The following NBEA variants were observed in gnomAD, a reference collection of about 807,000 sequenced individuals.
NBEA encodes lysosomal-trafficking regulator 2.
NBEA carries 44 observed loss-of-function variants against 343.4 expected under a neutral mutation model. The observed-to-expected ratio is 0.13, with a 90% CI of 0.10 to 0.16. NBEA has a LOEUF of 0.16. Among genes scored for constraint, NBEA ranks in the 10% least tolerant of loss-of-function variants. The probability of loss-of-function intolerance (pLI) is 1.00; values close to 1 mark genes in which losing one functional copy is unlikely to be tolerated. For synonymous variants in NBEA, 1,175 were observed against 1,238.7 expected (o/e 0.95, Z 1.08); for missense variants, 2,555 against 3,631.3 (o/e 0.70, Z 7.62).
chr13:35,073,462 T>G (rs1441944960), intron 10 of NBEA, among the ~76,000 whole-genome samples: 1 of 152,178 alleles, frequency 6.6e-6, no homozygotes, highest in African/African-American at 2.4e-5. Context: ...AGCTCAAATA[T>G]AAGTTACTTC....
chr13:35,290,529 A>C, intron 35 of NBEA, 79 bp downstream of exon 35: 1 of 918,420 alleles, frequency 1.1e-6, no homozygotes, highest in South Asian at 1.5e-5. Flanking sequence ...GTGCATATAT[A>C]TGTGTATGTT....
chr13:35,251,558 C>T (rs756597251), intron 34 of NBEA: 4 of 1,187,564 alleles, frequency 3.4e-6, no homozygotes, highest in Non-Finnish European at 4.3e-6. Flanking sequence ...ATGCATGTGA[C>T]CTTCAGGAAG....
chr13:34,961,102 G>A (rs868676517), intron 1 of NBEA, among the ~76,000 whole-genome samples: 13 of 151,882 alleles, frequency 8.6e-5, no homozygotes, highest in African/African-American at 3.1e-4. Context: ...GTTTTGGATC[G>A]GTATGCATTT....
chr13:35,478,409 A>G (rs1199363284), intron 41 of NBEA, among the ~76,000 whole-genome samples: 3 of 152,134 alleles, frequency 2.0e-5, no homozygotes, highest in African/African-American at 7.2e-5. Context: ...GGGGAGACCC[A>G]TCAGAGCCGG....
chr13:34,982,081 C>A (rs898971241), intron 1 of NBEA, among the ~76,000 whole-genome samples: 37 of 151,526 alleles, frequency 2.4e-4, no homozygotes, highest in African/African-American at 9.0e-4. Context: ...AATTTATGTT[C>A]TTATTATTAC....
intron 5 of NBEA, among the ~76,000 whole-genome samples, chr13:35,049,841 A>T (rs1438093950): frequency 6.6e-6 from 1 of 150,552 alleles, no homozygotes; most frequent in Admixed American, 6.9e-5. Context: ...CTTGACTCTG[A>T]CCAAGTTTTT....
At chr13:35,039,182 C>T (rs986739666) in intron 1 of NBEA, among the ~76,000 whole-genome samples, 6 of 152,116 alleles carry the variant, frequency 3.9e-5, no homozygotes, top group African/African-American at 1.4e-4. Flanking sequence ...TTGCTCTGTT[C>T]TCCCTTCACC....
intron 5 of NBEA, among the ~76,000 whole-genome samples, chr13:35,049,074 G>A (rs1490929793): frequency 6.6e-6 from 1 of 151,718 alleles, no homozygotes; most frequent in African/African-American, 2.4e-5. Context: ...GAGCATAACT[G>A]ACATATGCTT....
At chr13:35,183,865 C>A (rs1432988683) in intron 29 of NBEA, 111 bp from the exon 30 acceptor site, 3 of 640,236 alleles carry the variant, frequency 4.7e-6, no homozygotes, top group Non-Finnish European at 8.1e-6. Flanking sequence ...TTCGTTATTG[C>A]TAGTATTGTT....
At chr13:35,006,404 C>G (rs1484362203) in intron 1 of NBEA, among the ~76,000 whole-genome samples, 1 of 152,060 alleles carries the variant, frequency 6.6e-6, no homozygotes, top group Non-Finnish European at 1.5e-5. Flanking sequence ...ACACTAATTT[C>G]ATTTATCCTT....
chr13:35,545,808 A>C (rs2079034324), intron 41 of NBEA, among the ~76,000 whole-genome samples: 1 of 152,156 alleles, frequency 6.6e-6, no homozygotes, highest in African/African-American at 2.4e-5. Context: ...TGGTAGTGCA[A>C]ATTAAACTAC....
At chr13:35,098,466 C>T in intron 11 of NBEA, 61 bp downstream of exon 11, 1 of 1,251,882 alleles carries the variant, frequency 8.0e-7, no homozygotes, top group East Asian at 2.6e-5. Flanking sequence ...CTGTTAATCA[C>T]TAATTTTTTT....
intron 38 of NBEA, among the ~76,000 whole-genome samples, chr13:35,430,618 T>C (rs574710543): frequency 2.6e-5 from 4 of 152,288 alleles, no homozygotes; most frequent in African/African-American, 9.6e-5. Flanking sequence ...ACATACTCTT[T>C]CCAGAACTGT....
intron 1 of NBEA, among the ~76,000 whole-genome samples, chr13:35,024,713 T>C (rs2061959925): frequency 6.6e-6 from 1 of 152,094 alleles, no homozygotes. Context: ...TAAAATAAAA[T>C]AAAAGTAGTT....
At chr13:35,290,088 A>G (rs964112792) in intron 34 of NBEA, among the ~76,000 whole-genome samples, 3 of 151,716 alleles carry the variant, frequency 2.0e-5, no homozygotes, top group African/African-American at 7.2e-5. Context: ...TTTAAATGTA[A>G]GAAATGCCTC....
intron 36 of NBEA, among the ~76,000 whole-genome samples, chr13:35,337,018 A>G (rs1168912994): frequency 6.6e-6 from 1 of 152,108 alleles, no homozygotes; most frequent in Non-Finnish European, 1.5e-5. Context: ...TTGAACCTAA[A>G]AGTTAAAAAG....
chr13:35,086,926 T>C (rs911859123), intron 10 of NBEA, among the ~76,000 whole-genome samples: 2 of 152,016 alleles, frequency 1.3e-5, no homozygotes, highest in Non-Finnish European at 2.9e-5. Flanking sequence ...CATATACCTG[T>C]TGACAATTTC....
intron 10 of NBEA, among the ~76,000 whole-genome samples, chr13:35,082,459 T>C (rs1376685832): frequency 1.3e-5 from 2 of 152,200 alleles, no homozygotes; most frequent in Non-Finnish European, 2.9e-5. Context: ...AGTCAAATGA[T>C]ATTTCTAGTT....
At position 35,084,791 on chromosome 13, in the gene NBEA, G is replaced by A. The variant is rs573691761; in HGVS notation, c.1572-13506G>A. Among the ~76,000 whole-genome samples, 226 of 152,142 alleles carry A rather than the reference G, an allele frequency of 1.5e-3. 1 individual carries two copies. The highest frequency in any genetic ancestry group is 5.1e-3 in the African/African-American group (210 of 41,492). Reference sequence around the variant, plus strand: ...ACCCTTCAAAAAATCAATGAATCCAGGAGCTGGTTTTTTGAAAATATCAAC... The same window carrying A: ...ACCCTTCAAAAAATCAATGAATCCAAGAGCTGGTTTTTTGAAAATATCAAC... On this transcript the variant is annotated intron_variant, in intron 10 of 58. Transcript: ENST00000379939.
Sources: allele counts gnomAD v4.1 joint callset (sites outside exome capture counted in the v4.1 genomes callset), GRCh38; gene constraint gnomAD v4.1.1; transcripts MANE v1.5; gene names NCBI Gene and HGNC (gene_info 2026-07-23, HGNC 2026-07-21).